Variants in STAT5B observed in about 807,000 individuals in gnomAD.
STAT5B encodes signal transducer and activator of transcription 5B.
Under a neutral mutation model 107.8 loss-of-function variants are expected in STAT5B, and 21 were observed. The observed-to-expected ratio is 0.19, with a 90% confidence interval of 0.14 to 0.28. The LOEUF is 0.28. Among genes scored for constraint, STAT5B ranks in the 10% least tolerant of loss-of-function variants. The probability of loss-of-function intolerance (pLI) is 1.00; values close to 1 mark genes in which losing one functional copy is unlikely to be tolerated. For missense variants in STAT5B, 565 were observed against 1,008.2 expected (o/e 0.56, Z 5.95); for synonymous variants, 325 against 401.7 (o/e 0.81, Z 2.28).
intron 12 of STAT5B, chr17:42,214,086 T>C: frequency 4.6e-6 from 2 of 437,988 alleles, no homozygotes; most frequent in Non-Finnish European, 6.0e-6. Flanking sequence ...GAAGCTGCAG[T>C]GAGCCGAGAT....
At chr17:42,243,790 T>C (rs542008039) in intron 1 of STAT5B, among the ~76,000 whole-genome samples, 1 of 152,274 alleles carries the variant, frequency 6.6e-6, no homozygotes, top group Non-Finnish European at 1.5e-5. Flanking sequence ...TCAATAAAAA[T>C]CTGGACTTCT....
At chr17:42,227,993 G>A (rs2080288357) in intron 2 of STAT5B, among the ~76,000 whole-genome samples, 1 of 152,088 alleles carries the variant, frequency 6.6e-6, no homozygotes. Flanking sequence ...GAAATGCAAG[G>A]AAAAGGAAAG....
At chr17:42,217,704 T>C (rs77475601) in intron 9 of STAT5B, 1 of 542,004 alleles carries the variant, frequency 1.8e-6, no homozygotes, top group Non-Finnish European at 3.3e-6. Context: ...TTTTTTTTTT[T>C]TGTGACGGAG....
At chr17:42,224,396 G>T (rs2080255932) in intron 4 of STAT5B, among the ~76,000 whole-genome samples, 1 of 151,592 alleles carries the variant, frequency 6.6e-6, no homozygotes, top group African/African-American at 2.4e-5. Flanking sequence ...CATGAGTGCA[G>T]GGGTGCGATC....
intron 1 of STAT5B, among the ~76,000 whole-genome samples, chr17:42,251,833 A>G (rs1431169992): frequency 1.3e-5 from 2 of 151,710 alleles, no homozygotes; most frequent in African/African-American, 4.8e-5. Flanking sequence ...CCCCGTCTCT[A>G]CTAAAAATAC....
In STAT5B at chr17:42,207,700, A is replaced by C. The variant is rs767238307; in HGVS notation, c.1935T>G (p.Pro645=). ...SQERMFWNLM[P]FTTRDFSIRS... ...GAATGGAGAAGTCTCTGGTGGTAAA[A>C]GGCATCAGATTCCAAAACATTCTTT... Residue 645 remains proline (P), a synonymous_variant, in exon 16 of 19, where the codon CCT becomes CCG. Coordinates refer to ENST00000293328, the MANE Select transcript of STAT5B (RefSeq NM_012448.4). 6.2e-7 allele frequency: 1 copy of C among 1,614,168 alleles called. No individual in the cohort carries two copies. The highest frequency in any genetic ancestry group is 8.5e-7 in the Non-Finnish European group (1 of 1,180,028).
At chr17:42,265,787 T>C (rs911700528) in intron 1 of STAT5B, among the ~76,000 whole-genome samples, 1 of 152,226 alleles carries the variant, frequency 6.6e-6, no homozygotes, top group Non-Finnish European at 1.5e-5. Flanking sequence ...TATTTTTCAA[T>C]ATTTTTAGTC....
intron 3 of STAT5B, 71 bp downstream of exon 3, chr17:42,227,457 GA>G (rs2080283124): frequency 6.3e-7 from 1 of 1,595,796 alleles, no homozygotes; most frequent in Non-Finnish European, 8.5e-7. Context: ...CTGAAGGAGA[GA>G]AAGAAAGTCT....
rs999131015 is a variant in STAT5B at position 42,207,497 on chromosome 17, A to T, written c.2077+61T>A. The T allele has an allele frequency of 2.0e-6, 3 of 1,467,088 alleles. No homozygotes were observed. In the African/African-American group the frequency reaches 4.5e-5, roughly 22 times the overall value. 90.9% of individuals were successfully genotyped at this position (1,467,088 alleles called of 1,614,324 possible). On this transcript the variant is annotated intron_variant, in intron 16 of 18. Coordinates refer to ENST00000293328, the MANE Select transcript of STAT5B (RefSeq NM_012448.4). ...AACACACGCAGGTATGCACACACAC[A>T]CACACACACACACACACACACACAC...
chr17:42,248,273 C>CAAAAA, intron 1 of STAT5B, among the ~76,000 whole-genome samples: 1 of 69,190 alleles, frequency 1.4e-5, no homozygotes, highest in Non-Finnish European at 2.9e-5. Context: ...AGATCTTGTC[C>CAAAAA]AAAAAAAAAA....
At chr17:42,246,546 T>C (rs967105869) in intron 1 of STAT5B, among the ~76,000 whole-genome samples, 9 of 152,306 alleles carry the variant, frequency 5.9e-5, no homozygotes, top group Middle Eastern at 3.4e-3. Context: ...TCTTTCATCT[T>C]TGATGTGACT....
rs1247957737 is a variant in STAT5B, at chr17:42,243,123, T to TA, written c.-10-10987dup. Among the ~76,000 whole-genome samples, 166 of 140,028 alleles carry TA rather than the reference T, an allele frequency of 1.2e-3. 1 individual carries two copies. The highest frequency in any genetic ancestry group is 1.8e-3 in the Non-Finnish European group (111 of 63,426). 91.9% of individuals were successfully genotyped at this position (140,028 alleles called of 152,430 possible). ...CGAGAAACACCCAAGAATGATCAATTAAAAAAAAAAAATGTTAAAAATAAA... is the reference window on the plus strand; with the variant it reads ...CGAGAAACACCCAAGAATGATCAATTAAAAAAAAAAAAATGTTAAAAATAAA... On this transcript the variant is annotated intron_variant, in intron 1 of 18. Coordinates refer to ENST00000293328, the MANE Select transcript of STAT5B (RefSeq NM_012448.4).
rs1425969790 is a variant in STAT5B at position 42,212,223 on chromosome 17, A to C, written c.1474-33T>G. The C allele has an allele frequency of 3.7e-6, 6 of 1,614,046 alleles. No homozygotes were observed. In the Admixed American group the frequency reaches 6.7e-5, roughly 18 times the overall value. On this transcript the variant is annotated intron_variant, in intron 12 of 18. Transcript: ENST00000293328. ...GGAGAGAGGCCAGAATCTGATGAGAAAACAGTTGCATGATTTATTCCCTCA... is the reference window on the plus strand; with the variant it reads ...GGAGAGAGGCCAGAATCTGATGAGACAACAGTTGCATGATTTATTCCCTCA...
Position 42,245,581 on chromosome 17 carries a change from G to C in STAT5B, c.-10-13444C>G, listed in dbSNP as rs142506847. Reference sequence around the variant, plus strand: ...CTTATTGCCCAGGCTGGAGTGTAATGGCGCGATCTTGGCTCACTGCAACCT... The same window carrying C: ...CTTATTGCCCAGGCTGGAGTGTAATCGCGCGATCTTGGCTCACTGCAACCT... On this transcript the variant is annotated intron_variant, in intron 1 of 18. Coordinates refer to ENST00000293328, the MANE Select transcript of STAT5B (RefSeq NM_012448.4). 3.3e-4 allele frequency among the ~76,000 whole-genome samples: 50 copies of C among 151,742 alleles called. No individual in the cohort carries two copies. In the East Asian group the frequency reaches 8.8e-3, roughly 27 times the overall value.
chr17:42,286,799 A>C, the STAT5B span, among the ~76,000 whole-genome samples: 1 of 152,346 alleles, frequency 6.6e-6, no homozygotes, highest in South Asian at 2.1e-4. Context: ...GACCCACCCA[A>C]ATGTGGCAAT....
intron 13 of STAT5B, 77 bp downstream of exon 13, chr17:42,211,907 C>G (rs2080132693): frequency 1.4e-5 from 21 of 1,548,976 alleles, no homozygotes; most frequent in Non-Finnish European, 1.8e-5. Flanking sequence ...AGAATAAGGG[C>G]CCAGGGCAGG....
At chr17:42,257,214 C>T (rs530644689) in intron 1 of STAT5B, among the ~76,000 whole-genome samples, 2 of 152,192 alleles carry the variant, frequency 1.3e-5, no homozygotes, top group East Asian at 1.9e-4. Context: ...AATAATTGTG[C>T]CCCTGCTACA....
intron 1 of STAT5B, among the ~76,000 whole-genome samples, chr17:42,252,773 T>C: frequency 6.6e-6 from 1 of 152,148 alleles, no homozygotes; most frequent in East Asian, 1.9e-4. Context: ...CGTGACAAGT[T>C]TGTAAAATAG....
chr17:42,264,571 T>C (rs1037964464), intron 1 of STAT5B, among the ~76,000 whole-genome samples: 15 of 152,068 alleles, frequency 9.9e-5, no homozygotes, highest in Admixed American at 6.6e-4. Context: ...TATTCCATGG[T>C]GTGTATGTGC....
Sources: allele counts gnomAD v4.1 joint callset (sites outside exome capture counted in the v4.1 genomes callset), GRCh38; gene constraint gnomAD v4.1.1; transcripts MANE v1.5; gene names NCBI Gene and HGNC (gene_info 2026-07-23, HGNC 2026-07-21).